The following LAMC1 variants were observed in gnomAD, a reference collection of about 807,000 sequenced individuals.
LAMC1 encodes laminin subunit gamma-1.
LAMC1 carries 38 observed loss-of-function variants against 173.6 expected under a neutral mutation model. That is an observed-to-expected ratio of 0.22 (90% confidence interval 0.17 to 0.29). LAMC1 has a LOEUF of 0.29. LAMC1 is among the 10% of genes least tolerant of loss of function. LAMC1 has a pLI of 1.00. For missense variants in LAMC1, 1,824 were observed against 2,051.8 expected, an observed-to-expected ratio of 0.89 and a Z score of 2.14; for synonymous variants, 746 against 749.1, an observed-to-expected ratio of 1.00 and a Z score of 0.07.
At chr1:183,129,082 CTTT>C (rs201079710) in intron 18 of LAMC1, among the ~76,000 whole-genome samples, 1 of 110,010 alleles carries the variant, frequency 9.1e-6, no homozygotes, top group Non-Finnish European at 1.8e-5. Context: ...TCTTCATAAG[CTTT>C]TTTTTTTTTT....
Position 183,136,586 on chromosome 1 carries a change from G to T in LAMC1, c.4314+1G>T. The T allele has an allele frequency of 6.3e-7, 1 of 1,592,580 alleles. No homozygotes were observed. The highest frequency in any genetic ancestry group is 8.6e-7 in the Non-Finnish European group (1 of 1,168,352). Reference sequence around the variant, plus strand: ...GAGGATCGCGAGCGCTGTCCAAAAGGTGTGCGTTTCCTCTTCTCCAAGAGT... The same window carrying T: ...GAGGATCGCGAGCGCTGTCCAAAAGTTGTGCGTTTCCTCTTCTCCAAGAGT... On this transcript the variant is annotated splice_donor_variant, in intron 25 of 27. Transcript: ENST00000258341. LOFTEE classifies it high-confidence loss of function.
intron 24 of LAMC1, 65 bp from the exon 25 acceptor site, chr1:183,136,320 TC>T: frequency 7.2e-7 from 1 of 1,393,456 alleles, no homozygotes; most frequent in Non-Finnish European, 1.0e-6. Flanking sequence ...CAGTTGGAAC[TC>T]CCTGAAAGGC....
chr1:183,124,479 G>A (rs998467435), intron 13 of LAMC1, 152 bp from the exon 14 acceptor site: 26 of 877,320 alleles, frequency 3.0e-5, no homozygotes, highest in African/African-American at 1.5e-4. Context: ...GTCTGGCCCC[G>A]TGCCAGGGCT....
intron 27 of LAMC1, among the ~76,000 whole-genome samples, chr1:183,142,097 T>G (rs754164123): frequency 6.6e-6 from 1 of 152,232 alleles, no homozygotes; most frequent in Non-Finnish European, 1.5e-5. Context: ...CTGACCCATC[T>G]TCCCTGGAAT....
chr1:183,134,585 A>G, intron 22 of LAMC1, 75 bp from the exon 23 acceptor site: 1 of 1,192,336 alleles, frequency 8.4e-7, no homozygotes, highest in Non-Finnish European at 1.2e-6. Context: ...TAGGTGTTAC[A>G]GAGTTCCTAA....
intron 1 of LAMC1, among the ~76,000 whole-genome samples, chr1:183,053,722 C>T (rs938818163): frequency 1.3e-5 from 2 of 151,910 alleles, no homozygotes; most frequent in African/African-American, 4.8e-5. Flanking sequence ...ATCTCCTGGG[C>T]TCAAACGATT....
In LAMC1 at chr1:183,124,815, C is replaced by T; in HGVS notation, c.2586C>T (p.Asp862=). Residue 862 remains aspartate, a synonymous_variant, in exon 14 of 28, where the codon GAC becomes GAT. Coordinates refer to ENST00000258341, the MANE Select transcript of LAMC1 (RefSeq NM_002293.4). ...CIYNTAGFYC[D]RCKDGFFGNP... Reference sequence around the variant, plus strand: ...ATAACACTGCTGGCTTCTATTGTGACCGGTGCAAAGACGGATTTTTTGGAA... The same window carrying T: ...ATAACACTGCTGGCTTCTATTGTGATCGGTGCAAAGACGGATTTTTTGGAA... 1.9e-6 allele frequency: 3 copies of T among 1,614,138 alleles called. No homozygotes were observed. The South Asian group carries it at 3.3e-5, about 18-fold the overall frequency.
At chr1:183,106,399 C>A (rs980114671) in intron 2 of LAMC1, among the ~76,000 whole-genome samples, 1 of 152,178 alleles carries the variant, frequency 6.6e-6, no homozygotes, top group Non-Finnish European at 1.5e-5. Flanking sequence ...GTGAAATCGT[C>A]GTCTCTTTTC....
intron 1 of LAMC1, among the ~76,000 whole-genome samples, chr1:183,065,379 G>A (rs1228661113): frequency 6.6e-6 from 1 of 152,190 alleles, no homozygotes; most frequent in Non-Finnish European, 1.5e-5. Context: ...CCAGCAGGCT[G>A]CAAATTTGGA....
intron 1 of LAMC1, among the ~76,000 whole-genome samples, chr1:183,066,834 T>G (rs1173912749): frequency 6.6e-6 from 1 of 152,160 alleles, no homozygotes; most frequent in African/African-American, 2.4e-5. Flanking sequence ...AGGGATAGCA[T>G]TAGGAGAAAT....
intron 1 of LAMC1, among the ~76,000 whole-genome samples, chr1:183,053,047 G>C (rs1038428559): frequency 6.6e-6 from 1 of 152,010 alleles, no homozygotes; most frequent in Non-Finnish European, 1.5e-5. Context: ...GGAGTTCTCT[G>C]TACTTCTGTT....
In LAMC1 at chr1:183,143,707, A is replaced by G. The variant is rs565177492; in HGVS notation, c.*917A>G. ...GGAACTAGTGTTAAGTATCTGGCAG[A>G]GAACAGTTAATCCCTAAGGTCTTGA... On this transcript the variant is annotated 3_prime_UTR_variant, in exon 28 of 28. Transcript: ENST00000258341. 3.9e-5 allele frequency: 6 copies of G among 152,350 alleles called. No homozygotes were observed. In the East Asian group the frequency reaches 1.2e-3, roughly 29 times the overall value. The allele number at this position is 152,350 out of a possible 1,614,324, so 9.4% of individuals were successfully genotyped here.
chr1:183,123,187 T>A (rs1173932044), intron 13 of LAMC1, among the ~76,000 whole-genome samples: 2 of 152,178 alleles, frequency 1.3e-5, no homozygotes, highest in Non-Finnish European at 2.9e-5. Context: ...CTATACTTGA[T>A]TCATCTTCCT....
At chr1:183,088,125 C>A (rs928750868) in intron 1 of LAMC1, among the ~76,000 whole-genome samples, 2 of 152,138 alleles carry the variant, frequency 1.3e-5, no homozygotes, top group African/African-American at 4.8e-5. Flanking sequence ...TTTCTTTGAT[C>A]TTATTAAAGG....
intron 14 of LAMC1, 94 bp downstream of exon 14, chr1:183,124,970 C>A: frequency 6.8e-7 from 1 of 1,464,638 alleles, no homozygotes; most frequent in Non-Finnish European, 9.2e-7. Flanking sequence ...GTTGTTTAGT[C>A]CAATAGAAAT....
intron 1 of LAMC1, among the ~76,000 whole-genome samples, chr1:183,081,092 T>G (rs1478869867): frequency 6.6e-6 from 1 of 151,884 alleles, no homozygotes; most frequent in Non-Finnish European, 1.5e-5. Flanking sequence ...TTTCACTATC[T>G]TGGCCAGGCT....
rs772336310 is a variant in LAMC1, at chr1:183,118,486, G to A, written c.1990+340G>A. ...ACCTGTAATCCTAGCACTTTGGGAGGCTGAGGCGAGCAGATCACTTGAGGC... is the reference window on the plus strand; with the variant it reads ...ACCTGTAATCCTAGCACTTTGGGAGACTGAGGCGAGCAGATCACTTGAGGC... On this transcript the variant is annotated intron_variant, in intron 11 of 27. Transcript: ENST00000258341. Among the ~76,000 whole-genome samples the A allele has an allele frequency of 3.6e-4, 54 of 152,108 alleles. 1 individual carries two copies. Among genetic ancestry groups the A allele is most frequent in the Admixed American group, 1.9e-3 (29 of 15,276 alleles).
intron 1 of LAMC1, among the ~76,000 whole-genome samples, chr1:183,069,340 T>C (rs1160434114): frequency 1.3e-5 from 2 of 152,206 alleles, no homozygotes; most frequent in Non-Finnish European, 2.9e-5. Flanking sequence ...TTCATCAATA[T>C]ATGTAAAACC....
intron 2 of LAMC1, among the ~76,000 whole-genome samples, chr1:183,105,319 A>G (rs1043179626): frequency 3.1e-4 from 47 of 152,008 alleles, no homozygotes; most frequent in African/African-American, 1.0e-3. Flanking sequence ...ATACTCTTTA[A>G]GTTGATCAGC....
Sources: allele counts gnomAD v4.1 joint callset (sites outside exome capture counted in the v4.1 genomes callset), GRCh38; gene constraint gnomAD v4.1.1; transcripts MANE v1.5; gene names NCBI Gene and HGNC (gene_info 2026-07-23, HGNC 2026-07-21).